The following EPM2A variants were observed in gnomAD, a reference collection of about 807,000 sequenced individuals.
EPM2A encodes EPM2A glucan phosphatase, laforin, also known as laforin.
Under a neutral mutation model 26.5 loss-of-function variants are expected in EPM2A, and 21 were observed. The ratio of observed to expected loss-of-function variants is 0.79; its 90% CI spans 0.56 to 1.14. The LOEUF is 1.14. Ranked by LOEUF, EPM2A falls within the 50% of genes most tolerant of loss-of-function variation. The pLI is 0.00. For missense variants in EPM2A, 458 were observed against 440.8 expected (o/e 1.04, Z -0.35); for synonymous variants, 217 against 177.6 (o/e 1.22, Z -1.76).
chr6:145,516,356 G>T (rs540716681), intron 2 of EPM2A, among the ~76,000 whole-genome samples: 3 of 152,282 alleles, frequency 2.0e-5, no homozygotes, highest in African/African-American at 7.2e-5. Context: ...CATTTCAGGA[G>T]CTCAACTAGA....
At chr6:145,501,332 G>A (rs537460840), downstream of EPM2A, among the ~76,000 whole-genome samples, 26 of 152,320 alleles carry the variant, frequency 1.7e-4, 1 homozygote, top group South Asian at 5.2e-3. Context: ...ACAGAATGTT[G>A]TATAAAATAC....
chr6:145,467,057 T>C (rs1779407787), intron 4 of EPM2A, among the ~76,000 whole-genome samples: 1 of 152,148 alleles, frequency 6.6e-6, no homozygotes, highest in Non-Finnish European at 1.5e-5. Flanking sequence ...GACGAGTTAG[T>C]GGGTGCAGCG....
intron 4 of EPM2A, among the ~76,000 whole-genome samples, chr6:145,409,642 CTTA>C (rs1778617238): frequency 6.6e-6 from 1 of 152,110 alleles, no homozygotes; most frequent in South Asian, 2.1e-4. Context: ...GTAATACTCA[CTTA>C]TTATTATCTT....
intron 4 of EPM2A, among the ~76,000 whole-genome samples, chr6:145,438,505 G>A (rs1779018623): frequency 8.1e-6 from 1 of 123,794 alleles, no homozygotes. Flanking sequence ...ATGGAGTCTT[G>A]CTCTGTCACC....
chr6:145,521,331 C>T (rs1326466714), intron 2 of EPM2A, among the ~76,000 whole-genome samples: 2 of 151,922 alleles, frequency 1.3e-5, no homozygotes, highest in Non-Finnish European at 1.5e-5. Flanking sequence ...TAAAAGAAGA[C>T]ATATTAATAA....
intron 2 of EPM2A, among the ~76,000 whole-genome samples, chr6:145,617,435 A>G (rs1266223029): frequency 2.0e-5 from 3 of 152,204 alleles, no homozygotes; most frequent in Non-Finnish European, 2.9e-5. Context: ...TAAAAACACA[A>G]TATTTTATAG....
intron 2 of EPM2A, among the ~76,000 whole-genome samples, chr6:145,677,326 A>T (rs1366568582): frequency 6.6e-6 from 1 of 152,202 alleles, no homozygotes; most frequent in Non-Finnish European, 1.5e-5. Flanking sequence ...AGCCAATATT[A>T]TACTGAATGG....
Position 145,440,469 on chromosome 6 carries a change from AC to A in EPM2A, c.556-56373del, listed in dbSNP as rs542574482. On this transcript the variant is annotated intron_variant, in intron 4 of 4. Coordinates refer to the EPM2A transcript ENST00000638717. Reference sequence around the variant, plus strand: ...AAATCTCATGTTCTCACATTTCAAAACCAGTCATGCCTTCCCAATAGTCCCC... The same window carrying A: ...AAATCTCATGTTCTCACATTTCAAAACAGTCATGCCTTCCCAATAGTCCCC... Among the ~76,000 whole-genome samples the A allele has an allele frequency of 2.0e-5, 3 of 152,184 alleles. No homozygotes were observed. In the East Asian group the frequency reaches 5.8e-4, roughly 29 times the overall value.
chr6:145,392,914 C>G (rs1778356757), intron 4 of EPM2A, among the ~76,000 whole-genome samples: 1 of 151,772 alleles, frequency 6.6e-6, no homozygotes, highest in Admixed American at 6.6e-5. Flanking sequence ...AGTAATTTTT[C>G]CATGTCAAAT....
intron 4 of EPM2A, among the ~76,000 whole-genome samples, chr6:145,492,367 G>A (rs759022767): frequency 3.3e-5 from 5 of 152,162 alleles, no homozygotes; most frequent in African/African-American, 9.7e-5. Flanking sequence ...CTAGGGTGGC[G>A]TACCTGCCAC....
At chr6:145,575,487 C>G (rs976404672) in intron 2 of EPM2A, among the ~76,000 whole-genome samples, 1 of 152,288 alleles carries the variant, frequency 6.6e-6, no homozygotes, top group African/African-American at 2.4e-5. Context: ...TCACTCAGGG[C>G]AATCTTAGCA....
At chr6:145,512,518 T>A (rs577024369) in intron 2 of EPM2A, among the ~76,000 whole-genome samples, 1 of 151,304 alleles carries the variant, frequency 6.6e-6, no homozygotes, top group Admixed American at 6.6e-5. Context: ...TCAAGACCAG[T>A]CTGGCCAAAA....
chr6:145,629,318 C>T (rs962298973), intron 3 of EPM2A: 1 of 152,228 alleles, frequency 6.6e-6, no homozygotes, highest in Non-Finnish European at 1.5e-5. Context: ...CAAACTGAAC[C>T]ATGAACTTTA....
intron 4 of EPM2A, among the ~76,000 whole-genome samples, chr6:145,396,776 G>A (rs901693290): frequency 5.9e-5 from 9 of 152,288 alleles, no homozygotes; most frequent in Middle Eastern, 3.4e-3. Flanking sequence ...TCTTGTAGTG[G>A]TGACGTTTAT....
intron 2 of EPM2A, among the ~76,000 whole-genome samples, chr6:145,567,322 T>C (rs907268348): frequency 6.6e-6 from 1 of 152,238 alleles, no homozygotes; most frequent in Non-Finnish European, 1.5e-5. Context: ...ATATTTTTTA[T>C]ACTGTCTTAG....
rs144516707 is a variant in EPM2A at position 145,493,611 on chromosome 6, G to A, written c.555+8911C>T. Among the ~76,000 whole-genome samples the A allele has an allele frequency of 1.5e-3, 228 of 152,258 alleles. 1 individual carries two copies. Among genetic ancestry groups the A allele is most frequent in the Middle Eastern group, 0.014 (4 of 294 alleles). Reference sequence around the variant, plus strand: ...ATAGCTTTTGCCCATTCAGTGTGACGTTGGCTGTCGGTTTGTCATATATGG... The same window carrying A: ...ATAGCTTTTGCCCATTCAGTGTGACATTGGCTGTCGGTTTGTCATATATGG... On this transcript the variant is annotated intron_variant, in intron 4 of 4. Coordinates refer to the EPM2A transcript ENST00000638717.
intron 1 of EPM2A, among the ~76,000 whole-genome samples, chr6:145,725,006 G>C (rs753043894): frequency 1.3e-5 from 2 of 151,900 alleles, no homozygotes; most frequent in Non-Finnish European, 1.5e-5. Flanking sequence ...TAATAGTTTT[G>C]TTTTGCAATG....
chr6:145,410,701 G>A (rs1055150636), intron 4 of EPM2A, among the ~76,000 whole-genome samples: 3 of 152,172 alleles, frequency 2.0e-5, no homozygotes, highest in African/African-American at 7.2e-5. Context: ...TGCTAATGGT[G>A]AGAAACAGAG....
intron 1 of EPM2A, among the ~76,000 whole-genome samples, chr6:145,704,098 T>G (rs985185181): frequency 6.6e-6 from 1 of 152,212 alleles, no homozygotes; most frequent in African/African-American, 2.4e-5. Flanking sequence ...TGAGCAAAAT[T>G]AAGCTATCTA....
Sources: gnomAD v4.1 joint callset for allele counts (sites outside exome capture counted in the v4.1 genomes callset) on GRCh38, gnomAD v4.1.1 for gene constraint, MANE v1.5 for transcripts, NCBI Gene and HGNC (gene_info 2026-07-23, HGNC 2026-07-21) for gene names.